FRS2: variants seen among roughly 807,000 people sequenced by gnomAD.
FRS2 encodes the protein fibroblast growth factor receptor substrate 2.
A neutral mutation model predicts 43.9 loss-of-function variants in FRS2; 8 were observed. The observed-to-expected ratio is 0.18, with a 90% CI of 0.11 to 0.33. The LOEUF (loss-of-function observed/expected upper bound fraction) is 0.33. FRS2 is among the 10% of genes least tolerant of loss of function. The pLI is 1.00. For missense variants in FRS2, 534 were observed against 627.6 expected, an observed-to-expected ratio of 0.85 and a Z score of 1.59; for synonymous variants, 219 against 220.3, an observed-to-expected ratio of 0.99 and a Z score of 0.05.
At chr12:69,523,016 T>C (rs985558092) in intron 1 of FRS2, among the ~76,000 whole-genome samples, 3 of 152,228 alleles carry the variant, frequency 2.0e-5, no homozygotes, top group Admixed American at 6.5e-5. Context: ...TAGTTGATTT[T>C]AGAGTATGTG....
chr12:69,504,304 G>A (rs1873732554), intron 1 of FRS2, among the ~76,000 whole-genome samples: 1 of 152,164 alleles, frequency 6.6e-6, no homozygotes, highest in Admixed American at 6.5e-5. Context: ...GGTGGAGGTT[G>A]CAGTGAGCCA....
chr12:69,499,138 C>G (rs931375638), intron 1 of FRS2, among the ~76,000 whole-genome samples: 1 of 151,740 alleles, frequency 6.6e-6, no homozygotes, highest in Non-Finnish European at 1.5e-5. Flanking sequence ...GTAGGCAACT[C>G]TTATGATTAT....
At chr12:69,573,128 C>T (rs1464972133) in intron 8 of FRS2, among the ~76,000 whole-genome samples, 2 of 152,152 alleles carry the variant, frequency 1.3e-5, no homozygotes, top group African/African-American at 4.8e-5. Context: ...CCACTGTGCC[C>T]GACCCTTGTA....
chr12:69,486,686 T>G (rs1871984401), intron 1 of FRS2, among the ~76,000 whole-genome samples: 1 of 152,200 alleles, frequency 6.6e-6, no homozygotes. Flanking sequence ...AAGGAAAAGT[T>G]CTTGAAGGAA....
intron 1 of FRS2, among the ~76,000 whole-genome samples, chr12:69,506,990 A>G (rs989157642): frequency 1.9e-4 from 29 of 152,244 alleles, no homozygotes; most frequent in African/African-American, 6.7e-4. Flanking sequence ...CAGCCCCACC[A>G]CGTGATGCCC....
chr12:69,516,877 A>G (rs190436669), intron 1 of FRS2, among the ~76,000 whole-genome samples: 2 of 152,358 alleles, frequency 1.3e-5, no homozygotes, highest in Non-Finnish European at 2.9e-5. Context: ...CTTTTTAGTG[A>G]ATCAGTTTTG....
At chr12:69,471,448 A>G (rs1870285458) in intron 1 of FRS2, among the ~76,000 whole-genome samples, 1 of 152,194 alleles carries the variant, frequency 6.6e-6, no homozygotes, top group Admixed American at 6.5e-5. Context: ...TCTTAAGGAA[A>G]AATTGTTCTT....
chr12:69,502,961 C>T (rs1350703316), intron 1 of FRS2, among the ~76,000 whole-genome samples: 22 of 152,172 alleles, frequency 1.4e-4, no homozygotes. Flanking sequence ...AACAAATTAC[C>T]ATAAATTCAG....
intron 1 of FRS2, among the ~76,000 whole-genome samples, chr12:69,474,969 G>A (rs1870638795): frequency 2.0e-5 from 3 of 152,030 alleles, no homozygotes; most frequent in Admixed American, 6.5e-5. Context: ...AACATGATTA[G>A]TTTTGGCTTA....
chr12:69,566,920 G>T (rs1366998188), intron 4 of FRS2, among the ~76,000 whole-genome samples: 1 of 152,166 alleles, frequency 6.6e-6, no homozygotes, highest in Admixed American at 6.5e-5. Flanking sequence ...CTGTAGTCCA[G>T]TCATACTGAA....
chr12:69,530,410 C>G (rs946915062), intron 1 of FRS2, among the ~76,000 whole-genome samples: 13 of 151,906 alleles, frequency 8.6e-5, no homozygotes, highest in Non-Finnish European at 7.4e-5. Flanking sequence ...AGTCTCAGCT[C>G]TGTTAATAAT....
chr12:69,547,435 CTAGTTGACAG>C (rs1878504587), intron 3 of FRS2, among the ~76,000 whole-genome samples: 1 of 151,966 alleles, frequency 6.6e-6, no homozygotes, highest in Admixed American at 6.6e-5. Context: ...GCCCTCCTGC[CTAGTTGACAG>C]AGTGAGACCC....
chr12:69,556,417 C>T (rs1262635010), intron 3 of FRS2, among the ~76,000 whole-genome samples: 3 of 151,988 alleles, frequency 2.0e-5, no homozygotes, highest in Non-Finnish European at 4.4e-5. Flanking sequence ...ACTGCAGCCT[C>T]CACCTCCCAG....
intron 3 of FRS2, among the ~76,000 whole-genome samples, chr12:69,541,823 T>C (rs1030482022): frequency 5.3e-5 from 3 of 56,524 alleles, no homozygotes; most frequent in African/African-American, 1.1e-4. Context: ...AGACCCTGTC[T>C]CAAAAAAAAA....
chr12:69,471,719 CA>C, intron 1 of FRS2, among the ~76,000 whole-genome samples: 1 of 152,342 alleles, frequency 6.6e-6, no homozygotes, highest in South Asian at 2.1e-4. Flanking sequence ...TAAGGGAATG[CA>C]GTTACTGCAG....
chr12:69,573,960 GT>G, intron 8 of FRS2, 44 bp from the exon 9 acceptor site: 1 of 1,346,652 alleles, frequency 7.4e-7, no homozygotes, highest in Non-Finnish European at 1.0e-6. Context: ...TTTCAGTTTT[GT>G]TTTTTTAAGT....
At chr12:69,536,344 G>A (rs1483864967) in intron 3 of FRS2, among the ~76,000 whole-genome samples, 4 of 151,370 alleles carry the variant, frequency 2.6e-5, no homozygotes, top group Non-Finnish European at 4.4e-5. Flanking sequence ...GGCCAGTCTC[G>A]AATTCCTGAC....
intron 8 of FRS2, among the ~76,000 whole-genome samples, chr12:69,573,606 G>T (rs1880942268): frequency 6.6e-6 from 1 of 152,070 alleles, no homozygotes; most frequent in South Asian, 2.1e-4. Context: ...AGGATTACAG[G>T]CGCTCACCAC....
At chr12:69,522,190 T>TTGTGTGTGTGTGTGTG (rs201103216) in intron 1 of FRS2, among the ~76,000 whole-genome samples, 12 of 134,822 alleles carry the variant, frequency 8.9e-5, no homozygotes, top group Admixed American at 3.8e-4. Context: ...GAAGTTTTCT[T>TTGTGTGTGTGTGTGTG]TGTGTGTGTG....
Sources: gnomAD v4.1 joint callset for allele counts (sites outside exome capture counted in the v4.1 genomes callset) on GRCh38, gnomAD v4.1.1 for gene constraint, MANE v1.5 for transcripts, NCBI Gene and HGNC (gene_info 2026-07-23, HGNC 2026-07-21) for gene names.